Variants in TTBK2 observed in about 807,000 individuals in gnomAD.
TTBK2 encodes tau-tubulin kinase 2.
Under a neutral mutation model 110.8 loss-of-function variants are expected in TTBK2, and 28 were observed. The ratio of observed to expected loss-of-function variants is 0.25; its 90% CI spans 0.19 to 0.35. The LOEUF is 0.35. Ranked by LOEUF, TTBK2 falls within the 10% of genes least tolerant of loss-of-function variation. TTBK2 has a pLI of 1.00. For synonymous variants in TTBK2, 532 were observed against 527.3 expected, an observed-to-expected ratio of 1.01 and a Z score of -0.12; for missense variants, 1,369 against 1,500.3, an observed-to-expected ratio of 0.91 and a Z score of 1.45.
At chr15:42,872,366 C>T (rs1894647220) in intron 3 of TTBK2, among the ~76,000 whole-genome samples, 1 of 152,168 alleles carries the variant, frequency 6.6e-6, no homozygotes, top group Admixed American at 6.5e-5. Context: ...TGCTAATTCA[C>T]ACTCTCTTAT....
At chr15:42,792,658 T>C (rs1890745323) in intron 10 of TTBK2, among the ~76,000 whole-genome samples, 1 of 152,202 alleles carries the variant, frequency 6.6e-6, no homozygotes, top group Non-Finnish European at 1.5e-5. Context: ...CTAATTTTCA[T>C]CTTCCCCACA....
At chr15:42,843,602 T>C (rs1384140198) in intron 3 of TTBK2, among the ~76,000 whole-genome samples, 1 of 151,574 alleles carries the variant, frequency 6.6e-6, no homozygotes, top group Non-Finnish European at 1.5e-5. Context: ...CTACTAAAGA[T>C]ACAAAAATCA....
intron 6 of TTBK2, among the ~76,000 whole-genome samples, chr15:42,826,173 T>C (rs1252331057): frequency 1.3e-5 from 2 of 152,170 alleles, no homozygotes; most frequent in Non-Finnish European, 2.9e-5. Context: ...TGGGAACTTT[T>C]GATTTTACAT....
intron 13 of TTBK2, among the ~76,000 whole-genome samples, chr15:42,754,228 A>G (rs1445547618): frequency 6.6e-6 from 1 of 150,684 alleles, no homozygotes; most frequent in African/African-American, 2.4e-5. Context: ...GGACTACAGC[A>G]TGCACCACCA....
In TTBK2 at chr15:42,739,011, AAAAAT is replaced by A. The variant is rs1256977494; in HGVS notation, c.*6779_*6783del. The A allele has an allele frequency of 1.3e-5, 2 of 152,276 alleles. No homozygotes were observed. The highest frequency in any genetic ancestry group is 1.3e-4 in the Admixed American group (2 of 15,288). The allele number at this position is 152,276 out of a possible 1,614,324, so 9.4% of individuals were successfully genotyped here. A position where few individuals can be genotyped will look rare whatever the true frequency, so the allele number is the denominator to read the frequency against. ...AATGAATATTTTATTACTAGGTTAT[AAAAAT>A]AAAATACAAAATAATTTTAAAACAG... On this transcript the variant is annotated 3_prime_UTR_variant, in exon 15 of 15. Coordinates refer to ENST00000267890, the MANE Select transcript of TTBK2 (RefSeq NM_173500.4).
chr15:42,914,078 G>A (rs1314787436), intron 1 of TTBK2, among the ~76,000 whole-genome samples: 1 of 151,610 alleles, frequency 6.6e-6, no homozygotes, highest in African/African-American at 2.4e-5. Flanking sequence ...CCGGATTCAA[G>A]CGATTCTCCT....
chr15:42,868,485 CT>C (rs1328928728), intron 3 of TTBK2, among the ~76,000 whole-genome samples: 1 of 152,080 alleles, frequency 6.6e-6, no homozygotes, highest in Non-Finnish European at 1.5e-5. Context: ...ATACTTTCCT[CT>C]CAATTTTGCT....
intron 3 of TTBK2, among the ~76,000 whole-genome samples, chr15:42,850,001 A>G (rs1893630933): frequency 6.6e-6 from 1 of 152,098 alleles, no homozygotes; most frequent in Admixed American, 6.6e-5. Flanking sequence ...CTGTGCCCAC[A>G]TCAGGCAGGG....
At chr15:42,879,401 C>T (rs1451677644) in intron 1 of TTBK2, among the ~76,000 whole-genome samples, 1 of 152,058 alleles carries the variant, frequency 6.6e-6, no homozygotes, top group Non-Finnish European at 1.5e-5. Context: ...TAAGTATCTG[C>T]TTTTGTTTTT....
chr15:42,848,955 G>T (rs951260782), intron 3 of TTBK2, among the ~76,000 whole-genome samples: 5 of 152,154 alleles, frequency 3.3e-5, no homozygotes, highest in African/African-American at 4.8e-5. Flanking sequence ...ATTCTAGGAA[G>T]TTTTTATGAT....
intron 7 of TTBK2, among the ~76,000 whole-genome samples, chr15:42,816,127 T>C (rs1268365338): frequency 7.6e-6 from 1 of 131,918 alleles, no homozygotes; most frequent in Non-Finnish European, 1.6e-5. Flanking sequence ...TATGTGTATA[T>C]TTTTTTTGAG....
intron 3 of TTBK2, among the ~76,000 whole-genome samples, chr15:42,864,527 T>C (rs1409648458): frequency 6.6e-6 from 1 of 151,588 alleles, no homozygotes; most frequent in African/African-American, 2.4e-5. Context: ...AAGCTTGCAG[T>C]GAGCTGAGAT....
chr15:42,862,107 C>T (rs2141084465), intron 3 of TTBK2, among the ~76,000 whole-genome samples: 1 of 151,936 alleles, frequency 6.6e-6, no homozygotes, highest in Middle Eastern at 3.4e-3. Context: ...ACCTACCAAC[C>T]AAAAAAAGCT....
chr15:42,806,283 A>AATACACTG (rs1446764768), intron 9 of TTBK2, among the ~76,000 whole-genome samples: 1 of 152,124 alleles, frequency 6.6e-6, no homozygotes, highest in Non-Finnish European at 1.5e-5. Flanking sequence ...AACAAAACAA[A>AATACACTG]ATACACTGAT....
At chr15:42,778,290 C>A (rs200659791) in intron 11 of TTBK2, among the ~76,000 whole-genome samples, 949 of 126,404 alleles carry the variant, frequency 7.5e-3, no homozygotes, top group Non-Finnish European at 8.5e-3. Flanking sequence ...AGCAAGTAAG[C>A]AAAAAAAAAA....
rs546866928 is a variant in TTBK2 at position 42,742,974 on chromosome 15, G to C, written c.*2821C>G. 21 of 152,268 alleles carry C rather than the reference G, an allele frequency of 1.4e-4. No individual in the cohort carries two copies. Among genetic ancestry groups the C allele is most frequent in the African/African-American group, 4.8e-4 (20 of 41,546 alleles). The allele number at this position is 152,268 out of a possible 1,614,324, so 9.4% of individuals were successfully genotyped here. On this transcript the variant is annotated 3_prime_UTR_variant, in exon 15 of 15. Coordinates refer to ENST00000267890, the MANE Select transcript of TTBK2 (RefSeq NM_173500.4). ...CTAAAATAAAAATCCCTGTGTCACA[G>C]GTGCTTGCTCAGGGCTGCCAACTTC...
rs764974684 is a variant in TTBK2 at position 42,802,147 on chromosome 15, G to A, written c.823-7346C>T. 6 of 1,412,286 alleles carry A rather than the reference G, an allele frequency of 4.2e-6. No homozygotes were observed. The Admixed American group carries it at 6.7e-5, about 16-fold the overall frequency. The allele number at this position is 1,412,286 out of a possible 1,614,324, so 87.5% of individuals were successfully genotyped here. On this transcript the variant is annotated intron_variant, in intron 9 of 14. Transcript: ENST00000267890. ...GGTCTTGATCTGCTTCTCCTCCTGGGTGCGCACGGCCTGGATGTTGGGGTC... is the reference window on the plus strand; with the variant it reads ...GGTCTTGATCTGCTTCTCCTCCTGGATGCGCACGGCCTGGATGTTGGGGTC...
At chr15:42,789,701 T>G (rs1475512063) in intron 10 of TTBK2, among the ~76,000 whole-genome samples, 1 of 151,958 alleles carries the variant, frequency 6.6e-6, no homozygotes, top group Non-Finnish European at 1.5e-5. Context: ...GTCATTGCAC[T>G]CCAGCCTGAG....
chr15:42,894,273 T>A (rs1895581961), intron 1 of TTBK2, among the ~76,000 whole-genome samples: 1 of 152,142 alleles, frequency 6.6e-6, no homozygotes, highest in Non-Finnish European at 1.5e-5. Context: ...AATTACCCAG[T>A]CTCAGGTAAG....
Sources: allele counts gnomAD v4.1 joint callset (sites outside exome capture counted in the v4.1 genomes callset), GRCh38; gene constraint gnomAD v4.1.1; transcripts MANE v1.5; gene names NCBI Gene and HGNC (gene_info 2026-07-23, HGNC 2026-07-21).